The following SPATA6L variants were observed in gnomAD, a reference collection of about 807,000 sequenced individuals.
The protein encoded by SPATA6L is spermatogenesis associated 6 like.
SPATA6L carries 68 observed loss-of-function variants against 49.2 expected under a neutral mutation model. The ratio of observed to expected loss-of-function variants is 1.38; its 90% CI spans 1.14 to 1.69. The LOEUF (loss-of-function observed/expected upper bound fraction) is 1.69. SPATA6L is among the 40% of genes most tolerant of loss of function. The pLI is 0.00. For synonymous variants in SPATA6L, 198 were observed against 165.7 expected, an observed-to-expected ratio of 1.19 and a Z score of -1.50; for missense variants, 668 against 464.3, an observed-to-expected ratio of 1.44 and a Z score of -4.03.
At chr9:4,612,461 A>AC (rs563564748) in intron 9 of SPATA6L, among the ~76,000 whole-genome samples, 70 of 152,254 alleles carry the variant, frequency 4.6e-4, no homozygotes, top group Admixed American at 2.6e-3. Context: ...CCAGGGGCTC[A>AC]CTACTCTTAT....
At chr9:4,664,055 T>C (rs1424722587) in intron 1 of SPATA6L, 1 of 167,118 alleles carries the variant, frequency 6.0e-6, no homozygotes, top group Non-Finnish European at 1.5e-5. Context: ...AAGATGCTCA[T>C]AGAAGAGGAA....
rs1350175321 is a variant in SPATA6L, at chr9:4,600,269, C to A, written c.*542G>T. 6.6e-6 allele frequency among the ~76,000 whole-genome samples: 1 copy of A among 152,140 alleles called. No homozygotes were observed. Among genetic ancestry groups the A allele is most frequent in the East Asian group, 1.9e-4 (1 of 5,200 alleles). ...CATCTAAAACAAGATCTGAACTACC[C>A]AGACGTAATGCTCTCTTTTCCAAGG... On this transcript the variant is annotated 3_prime_UTR_variant, in exon 12 of 12. Transcript: ENST00000682582.
rs145980537 is a variant in SPATA6L at position 4,651,031 on chromosome 9, C to T, written c.226+5010G>A. On this transcript the variant is annotated intron_variant, in intron 3 of 11. Transcript: ENST00000682582. ...AATAATTTTTTTTTTAAGACAGAGT[C>T]CTGCTCTGTCACCCAAGCTGGGGTA... is the stretch of plus-strand genomic sequence containing the variant. 1.7e-3 allele frequency among the ~76,000 whole-genome samples: 254 copies of T among 152,082 alleles called. 1 individual carries two copies. The highest frequency in any genetic ancestry group is 5.8e-3 in the African/African-American group (240 of 41,464).
At chr9:4,616,532 A>C in intron 9 of SPATA6L, among the ~76,000 whole-genome samples, 1 of 152,226 alleles carries the variant, frequency 6.6e-6, no homozygotes, top group East Asian at 1.9e-4. Flanking sequence ...CCAGGCATAG[A>C]GAGGTGTAAG....
intron 3 of SPATA6L, among the ~76,000 whole-genome samples, chr9:4,641,112 A>T (rs1833939671): frequency 6.6e-6 from 1 of 152,218 alleles, no homozygotes; most frequent in Admixed American, 6.5e-5. Context: ...GACTTTTTAA[A>T]ATGCAGTATA....
chr9:4,625,325 A>T lies in SPATA6L; in HGVS notation c.669+2T>A, dbSNP rs754193547. On this transcript the variant is annotated splice_donor_variant, in intron 6 of 11. Coordinates refer to ENST00000682582, the MANE Select transcript of SPATA6L (RefSeq NM_001353486.2). LOFTEE classifies it high-confidence loss of function. ...TGCTCTAAAAAATAATTTTAGGCTC[A>T]CGTGTCTAACAACAAATGGAGGCTT... 1 of 1,611,266 alleles carries T rather than the reference A, an allele frequency of 6.2e-7. No homozygotes were observed. Among genetic ancestry groups the T allele is most frequent in the African/African-American group, 1.3e-5 (1 of 74,752 alleles).
At chr9:4,626,498 T>A (rs1355204263) in intron 5 of SPATA6L, 8 of 1,304,404 alleles carry the variant, frequency 6.1e-6, no homozygotes, top group Non-Finnish European at 7.1e-6. Flanking sequence ...CTGTTCAGTT[T>A]CTTCTTTAAG....
chr9:4,616,562 C>T (rs550044503), intron 9 of SPATA6L, among the ~76,000 whole-genome samples: 1 of 152,190 alleles, frequency 6.6e-6, no homozygotes, highest in Non-Finnish European at 1.5e-5. Context: ...GACCACTTGT[C>T]TCTGTGTGCC....
intron 6 of SPATA6L, 124 bp downstream of exon 6, chr9:4,625,203 T>G (rs1038571528): frequency 6.3e-6 from 9 of 1,426,510 alleles, no homozygotes; most frequent in African/African-American, 1.5e-5. Flanking sequence ...CAATTATTAT[T>G]CAATTTGAAG....
At chr9:4,616,510 A>C (rs1433686139) in intron 9 of SPATA6L, among the ~76,000 whole-genome samples, 1 of 152,134 alleles carries the variant, frequency 6.6e-6, no homozygotes, top group Admixed American at 6.5e-5. Flanking sequence ...ATAAGACAGG[A>C]GGGGACAGAG....
intron 9 of SPATA6L, among the ~76,000 whole-genome samples, chr9:4,607,616 G>A (rs1203574829): frequency 1.3e-5 from 2 of 151,940 alleles, no homozygotes. Context: ...TCACCACCAG[G>A]CCTGCCCTAA....
At chr9:4,623,220 C>A (rs538441947) in intron 6 of SPATA6L, among the ~76,000 whole-genome samples, 1 of 152,074 alleles carries the variant, frequency 6.6e-6, no homozygotes, top group South Asian at 2.1e-4. Context: ...GCGAAGATTG[C>A]GGTGAGCTGA....
downstream of SPATA6L, among the ~76,000 whole-genome samples, chr9:4,593,689 C>G (rs1822050329): frequency 6.6e-6 from 1 of 152,146 alleles, no homozygotes; most frequent in Admixed American, 6.6e-5. Flanking sequence ...TTTTCTCAGT[C>G]ATCAATTTTT....
intron 9 of SPATA6L, among the ~76,000 whole-genome samples, chr9:4,609,966 A>G (rs984543399): frequency 6.6e-6 from 1 of 152,034 alleles, no homozygotes; most frequent in Non-Finnish European, 1.5e-5. Flanking sequence ...TACAAAATCA[A>G]TGTACAAAAA....
intron 13 of SPATA6L, among the ~76,000 whole-genome samples, chr9:4,589,214 G>C (rs1434925063): frequency 6.6e-6 from 1 of 152,226 alleles, no homozygotes; most frequent in African/African-American, 2.4e-5. Context: ...ATGAGAAAAT[G>C]CATGTGATGC....
chr9:4,610,108 C>G (rs1247128831), intron 9 of SPATA6L, among the ~76,000 whole-genome samples: 1 of 152,118 alleles, frequency 6.6e-6, no homozygotes, highest in African/African-American at 2.4e-5. Context: ...AGGACCTCTT[C>G]AAGGAGAAGT....
chr9:4,622,395 G>A lies in SPATA6L; in HGVS notation c.772+13C>T. 3.8e-6 allele frequency: 6 copies of A among 1,559,066 alleles called. No homozygotes were observed. The highest frequency in any genetic ancestry group is 1.1e-5 in the South Asian group (1 of 89,798). The stretch of plus-strand genomic sequence containing the variant: ...ATAGGGAAATGTACAGGAGTAACAA[G>A]AAACTCGAGTACCTCTTCTCGTTGG... On this transcript the variant is annotated intron_variant, in intron 7 of 11. Coordinates refer to ENST00000682582, the MANE Select transcript of SPATA6L (RefSeq NM_001353486.2).
At chr9:4,613,874 C>T (rs1232288699) in intron 9 of SPATA6L, among the ~76,000 whole-genome samples, 4 of 152,110 alleles carry the variant, frequency 2.6e-5, no homozygotes, top group African/African-American at 4.8e-5. Context: ...TGAGCCACCA[C>T]GCTTGGCCCT....
chr9:4,599,062 AC>A lies in SPATA6L; in HGVS notation c.*1748del, dbSNP rs1822633143. ...TAGGGGATAGGACCCAAGTCTAAAC[AC>A]GAAATTCATTTACGTTTTATATACA... On this transcript the variant is annotated 3_prime_UTR_variant, in exon 12 of 12. Transcript: ENST00000682582. Among the ~76,000 whole-genome samples, 1 of 152,234 alleles carries A rather than the reference AC, an allele frequency of 6.6e-6. No individual in the cohort carries two copies. The highest frequency in any genetic ancestry group is 1.5e-5 in the Non-Finnish European group (1 of 68,032).
Sources: allele counts gnomAD v4.1 joint callset (sites outside exome capture counted in the v4.1 genomes callset), GRCh38; gene constraint gnomAD v4.1.1; transcripts MANE v1.5; gene names NCBI Gene and HGNC (gene_info 2026-07-23, HGNC 2026-07-21).